TBC1D12: variants seen among roughly 807,000 people sequenced by gnomAD.
TBC1D12 encodes the protein TBC1 domain family, member 12.
In TBC1D12, 56 loss-of-function variants were observed where a neutral mutation model predicts 86.7. The observed-to-expected ratio is 0.65, with a 90% CI of 0.52 to 0.81. The LOEUF is 0.81. Ranked by LOEUF, TBC1D12 falls within the 30% of genes least tolerant of loss-of-function variation. The pLI is 0.00. For missense variants in TBC1D12, 1,023 were observed against 1,038.8 expected, an observed-to-expected ratio of 0.98 and a Z score of 0.21; for synonymous variants, 421 against 411.7, an observed-to-expected ratio of 1.02 and a Z score of -0.27.
chr10:94,464,025 A>G (rs139257868), intron 2 of TBC1D12, among the ~76,000 whole-genome samples: 1 of 152,132 alleles, frequency 6.6e-6, no homozygotes, highest in East Asian at 1.9e-4. Context: ...TTGCTTTGGT[A>G]AGATTTCCTT....
At chr10:94,414,557 G>A (rs1045399068) in intron 1 of TBC1D12, among the ~76,000 whole-genome samples, 2 of 150,146 alleles carry the variant, frequency 1.3e-5, no homozygotes, top group Non-Finnish European at 2.9e-5. Context: ...CTTCCCTAAC[G>A]TCCCTGTCTC....
At chr10:94,476,806 T>A (rs1489286504) in intron 3 of TBC1D12, among the ~76,000 whole-genome samples, 1 of 152,246 alleles carries the variant, frequency 6.6e-6, no homozygotes, top group Non-Finnish European at 1.5e-5. Flanking sequence ...CTTTAGGTTC[T>A]ACCTCCATGC....
chr10:94,515,637 C>T (rs2056582892), intron 9 of TBC1D12, among the ~76,000 whole-genome samples: 1 of 152,210 alleles, frequency 6.6e-6, no homozygotes, highest in African/African-American at 2.4e-5. Context: ...GCGTGAGCCA[C>T]CCTGCCCGGC....
At chr10:94,491,509 G>T (rs188842406) in intron 3 of TBC1D12, among the ~76,000 whole-genome samples, 3 of 152,202 alleles carry the variant, frequency 2.0e-5, no homozygotes, top group Admixed American at 6.5e-5. Context: ...ATACGGTGTA[G>T]TAGTTACCCC....
At chr10:94,494,756 CTAGTCT>C (rs2056293039) in intron 4 of TBC1D12, among the ~76,000 whole-genome samples, 1 of 152,140 alleles carries the variant, frequency 6.6e-6, no homozygotes, top group Admixed American at 6.5e-5. Flanking sequence ...ATAGGCCAGG[CTAGTCT>C]TAAACTCCTG....
intron 1 of TBC1D12, among the ~76,000 whole-genome samples, chr10:94,417,750 CTTTTT>C (rs35840263): frequency 7.6e-6 from 1 of 131,728 alleles, no homozygotes; most frequent in East Asian, 2.3e-4. Context: ...GTCTCTTCTT[CTTTTT>C]TTTTTTTTTT....
intron 2 of TBC1D12, among the ~76,000 whole-genome samples, chr10:94,443,886 G>A (rs12250480): frequency 0.022 from 3,374 of 152,266 alleles, 126 homozygotes; most frequent in African/African-American, 0.074. Flanking sequence ...ATTTAAGAAT[G>A]AGGCCGAGTA....
intron 2 of TBC1D12, among the ~76,000 whole-genome samples, chr10:94,460,673 G>A (rs1324100607): frequency 6.6e-6 from 1 of 151,332 alleles, no homozygotes; most frequent in Non-Finnish European, 1.5e-5. Context: ...AGTCCATATT[G>A]CTTTAGATAT....
chr10:94,441,809 C>A, intron 1 of TBC1D12, 87 bp from the exon 2 acceptor site: 1 of 1,380,096 alleles, frequency 7.2e-7, no homozygotes, highest in Non-Finnish European at 9.9e-7. Context: ...TTTGTTTTTG[C>A]CTTGGGAACA....
chr10:94,493,557 C>CTT, intron 4 of TBC1D12, 110 bp downstream of exon 4: 1 of 870,734 alleles, frequency 1.1e-6, no homozygotes, highest in South Asian at 1.7e-5. Context: ...TTTTTTATTT[C>CTT]TTTTTTCGTT....
chr10:94,467,136 A>T (rs2055836373), intron 2 of TBC1D12, among the ~76,000 whole-genome samples: 1 of 152,256 alleles, frequency 6.6e-6, no homozygotes, highest in Non-Finnish European at 1.5e-5. Context: ...TTAAATAAAA[A>T]TAGTGTTCTT....
At chr10:94,509,523 A>T (rs897746568) in intron 7 of TBC1D12, 7 of 152,488 alleles carry the variant, frequency 4.6e-5, no homozygotes, top group African/African-American at 1.7e-4. Flanking sequence ...CCATAGGGAA[A>T]ACCAGATACA....
chr10:94,451,319 TAAAC>T (rs1353133690), intron 2 of TBC1D12, among the ~76,000 whole-genome samples: 6 of 152,122 alleles, frequency 3.9e-5, no homozygotes, highest in East Asian at 1.9e-4. Flanking sequence ...ATATGTAAAT[TAAAC>T]AAAAAATCTT....
chr10:94,412,024 C>T (rs139298471), intron 1 of TBC1D12, among the ~76,000 whole-genome samples: 21 of 152,192 alleles, frequency 1.4e-4, no homozygotes, highest in Non-Finnish European at 2.2e-4. Context: ...ATTGCTTAAT[C>T]CTAGGTGGCA....
At chr10:94,477,711 G>A (rs2056012769) in intron 3 of TBC1D12, among the ~76,000 whole-genome samples, 1 of 152,138 alleles carries the variant, frequency 6.6e-6, no homozygotes. Context: ...TACTGGTAAT[G>A]CCACTACTTC....
rs765254148 is a variant in TBC1D12 at position 94,402,617 on chromosome 10, G to A, written c.4G>A (p.Val2Met). 4.3e-6 allele frequency: 7 copies of A among 1,611,402 alleles called. No individual in the cohort carries two copies. Among genetic ancestry groups the A allele is most frequent in the Non-Finnish European group, 5.1e-6 (6 of 1,179,428 alleles). M[V>M]GPEDAGACSG... ...GGCGGCCGCCACCCACCCCCAGATG[G>A]TGGGTCCGGAGGATGCCGGAGCCTG... The change falls in exon 1 of 13, where the codon GTG (valine) becomes ATG (methionine). Residue 2 changes from valine (V) to methionine (M), a missense_variant. Transcript: ENST00000225235.
At chr10:94,462,503 G>A (rs2055745442) in intron 2 of TBC1D12, among the ~76,000 whole-genome samples, 1 of 152,114 alleles carries the variant, frequency 6.6e-6, no homozygotes, top group Non-Finnish European at 1.5e-5. Flanking sequence ...CCCCAGTTGA[G>A]AATTACTGAT....
At chr10:94,413,537 T>C (rs2054955227) in intron 1 of TBC1D12, among the ~76,000 whole-genome samples, 1 of 152,194 alleles carries the variant, frequency 6.6e-6, no homozygotes, top group Non-Finnish European at 1.5e-5. Context: ...CTTCAGCCTT[T>C]CTTATGCTTC....
chr10:94,457,273 C>T (rs886751940), intron 2 of TBC1D12, among the ~76,000 whole-genome samples: 3 of 152,234 alleles, frequency 2.0e-5, no homozygotes, highest in African/African-American at 7.2e-5. Flanking sequence ...CACCCCCTGA[C>T]AGGCCCCTGT....
Sources: allele counts gnomAD v4.1 joint callset (sites outside exome capture counted in the v4.1 genomes callset), GRCh38; gene constraint gnomAD v4.1.1; transcripts MANE v1.5; gene names NCBI Gene and HGNC (gene_info 2026-07-23, HGNC 2026-07-21).